ACAD9: variants seen among roughly 807,000 people sequenced by gnomAD.
The protein encoded by ACAD9 is complex I assembly factor ACAD9, mitochondrial.
In ACAD9, 53 loss-of-function variants were observed where a neutral mutation model predicts 70.2. The observed-to-expected ratio is 0.75, with a 90% CI of 0.61 to 0.95. The LOEUF (loss-of-function observed/expected upper bound fraction) is 0.95. Among genes scored for constraint, ACAD9 ranks in the 40% least tolerant of loss-of-function variants. The pLI, the probability that ACAD9 is intolerant of heterozygous loss-of-function variation, is 0.00. For missense variants in ACAD9, 777 were observed against 802.8 expected (o/e 0.97, Z 0.39); for synonymous variants, 313 against 312.1 (o/e 1.00, Z -0.03).
At position 128,895,308 on chromosome 3, in the gene ACAD9, A is replaced by G. The variant is rs774267812; in HGVS notation, c.347-2A>G. ...TGATTGACGCTGGTCCATCTCTCCTAGGTGGCCTGGGCTTCTCCAACACCA... is the reference window on the plus strand; with the variant it reads ...TGATTGACGCTGGTCCATCTCTCCTGGGTGGCCTGGGCTTCTCCAACACCA... On this transcript the variant is annotated splice_acceptor_variant, in intron 3 of 17. Coordinates refer to ENST00000308982, the MANE Select transcript of ACAD9 (RefSeq NM_014049.5). LOFTEE classifies it high-confidence loss of function. 2 of 1,609,066 alleles carry G rather than the reference A, an allele frequency of 1.2e-6. No individual in the cohort carries two copies. The highest frequency in any genetic ancestry group is 2.2e-5 in the South Asian group (2 of 90,128).
At chr3:128,893,477 A>T in intron 2 of ACAD9, 78 bp from the exon 3 acceptor site, 1 of 1,132,312 alleles carries the variant, frequency 8.8e-7, no homozygotes. Context: ...TATGATTAAT[A>T]TATAAACACT....
chr3:128,910,714 T>TATC, intron 16 of ACAD9, 27 bp from the exon 17 acceptor site: 1 of 1,613,916 alleles, frequency 6.2e-7, no homozygotes, highest in African/African-American at 1.3e-5. Context: ...AATTTGGGCA[T>TATC]ATCTTTTCTG....
chr3:128,894,991 C>T (rs1490849981), intron 3 of ACAD9, among the ~76,000 whole-genome samples: 2 of 150,970 alleles, frequency 1.3e-5, no homozygotes, highest in Non-Finnish European at 1.5e-5. Context: ...ATTCTCATGC[C>T]TCAGCCTCCT....
Position 128,910,035 on chromosome 3 carries a change from G to A in ACAD9, c.1578G>A (p.Glu526=), listed in dbSNP as rs2107664287. Residue 526 remains glutamate, a synonymous_variant, in exon 16 of 18, where the codon GAG becomes GAA. Transcript: ENST00000308982. ...TGTGATCCCAGACCATCATGGAGGA[G>A]CAGCTGGTACTGAAGCGGGTGGCCA... ...LLRFGKTIME[E]QLVLKRVANI... The A allele has an allele frequency of 6.2e-7, 1 of 1,613,776 alleles. No individual in the cohort carries two copies. Among genetic ancestry groups the A allele is most frequent in the Non-Finnish European group, 8.5e-7 (1 of 1,179,966 alleles).
chr3:128,913,047 G>A lies in ACAD9; in HGVS notation c.*440G>A, dbSNP rs1360288780. The A allele has an allele frequency of 4.4e-6, 2 of 455,986 alleles. No homozygotes were observed. The highest frequency in any genetic ancestry group is 2.3e-5 in the Admixed American group (1 of 42,622). The allele number at this position is 455,986 out of a possible 1,614,324, so 28.2% of individuals were successfully genotyped here. On this transcript the variant is annotated 3_prime_UTR_variant, in exon 18 of 18. Transcript: ENST00000308982. ...GTCATTCATTTAAACTAGAAGCAGA[G>A]GCACTTAAAACATGTACCAGGAACC...
At position 128,899,522 on chromosome 3, in the gene ACAD9, CGGTGTG is replaced by C. The variant is rs894937428; in HGVS notation, c.808+62_808+67del. On this transcript the variant is annotated intron_variant, in intron 7 of 17. Transcript: ENST00000308982. ...GTGTAAGGGGGAGACTGGCCTTTGA[CGGTGTG>C]TGTGTGTGTGTGTGTGTGTGTGTGT... 130 of 1,146,146 alleles carry C rather than the reference CGGTGTG, an allele frequency of 1.1e-4. No homozygotes were observed. The East Asian group carries it at 1.3e-3, about 11-fold the overall frequency. The allele number at this position is 1,146,146 out of a possible 1,614,324, so 71.0% of individuals were successfully genotyped here.
intron 11 of ACAD9, among the ~76,000 whole-genome samples, chr3:128,905,328 G>A (rs1413482397): frequency 6.6e-6 from 1 of 152,166 alleles, no homozygotes; most frequent in Non-Finnish European, 1.5e-5. Context: ...ATTTGCTTTT[G>A]TTTTGTTGAG....
intron 7 of ACAD9, 97 bp downstream of exon 7, chr3:128,899,558 G>GTGTC (rs1935678447): frequency 7.3e-7 from 1 of 1,362,898 alleles, no homozygotes; most frequent in Non-Finnish European, 1.0e-6. Context: ...GTGTGTGTGT[G>GTGTC]TGTGTAAGGG....
chr3:128,906,497 G>C (rs533635960), intron 12 of ACAD9, among the ~76,000 whole-genome samples: 1 of 152,284 alleles, frequency 6.6e-6, no homozygotes, highest in Non-Finnish European at 1.5e-5. Context: ...AGATGACTTC[G>C]GATGCTGTGT....
At chr3:128,891,838 T>C (rs1374711303) in intron 2 of ACAD9, among the ~76,000 whole-genome samples, 2 of 152,236 alleles carry the variant, frequency 1.3e-5, no homozygotes, top group Non-Finnish European at 2.9e-5. Context: ...ATTATCACAT[T>C]TATTTATGTA....
intron 2 of ACAD9, among the ~76,000 whole-genome samples, chr3:128,889,440 A>G (rs1291568001): frequency 4.6e-5 from 7 of 152,212 alleles, no homozygotes; most frequent in Non-Finnish European, 1.0e-4. Context: ...CACCTGACGC[A>G]TGACTGTATT....
chr3:128,896,207 G>A (rs1309200466), intron 4 of ACAD9, among the ~76,000 whole-genome samples: 4 of 152,240 alleles, frequency 2.6e-5, no homozygotes. Flanking sequence ...TTTGGACACA[G>A]ACTGCAAAGC....
intron 2 of ACAD9, 68 bp downstream of exon 2, chr3:128,884,814 GAAGTGACATACAT>G: frequency 8.3e-7 from 1 of 1,201,784 alleles, no homozygotes. Context: ...ATTTATATTA[GAAGTGACATACAT>G]AGGAGAAGTC....
intron 5 of ACAD9, among the ~76,000 whole-genome samples, 174 bp downstream of exon 5, chr3:128,896,710 C>T (rs762392158): frequency 6.6e-6 from 1 of 152,232 alleles, no homozygotes; most frequent in South Asian, 2.1e-4. Flanking sequence ...CCTTATTTCT[C>T]TGTCCCAGTG....
Position 128,899,479 on chromosome 3 carries a change from G to A in ACAD9, c.808+18G>A, listed in dbSNP as rs371813160. The A allele has an allele frequency of 5.3e-5, 85 of 1,612,518 alleles. No individual in the cohort carries two copies. The highest frequency in any genetic ancestry group is 2.0e-4 in the African/African-American group (15 of 74,996). On this transcript the variant is annotated intron_variant, in intron 7 of 17. Transcript: ENST00000308982. ...CTCCAACAGTAAGTAGCTCCTGTGC[G>A]CGCGTGCGCGTGTGTGTGTGTAAGG...
At position 128,895,378 on chromosome 3, in the gene ACAD9, A is replaced by C; in HGVS notation, c.415A>C (p.Thr139Pro). The C allele has an allele frequency of 6.2e-7, 1 of 1,612,680 alleles. No individual in the cohort carries two copies. Reference protein sequence around the residue: ...GEIISMDGSITVTLAAHQAIG... With the variant: ...GEIISMDGSIPVTLAAHQAIG... ...GATCATCAGCATGGATGGGTCCATC[A>C]CTGTGACCCTGGCAGCGCACCAGGC... Residue 139 changes from threonine (T) to proline (P), a missense_variant, in exon 4 of 18, where the codon ACT (threonine) becomes CCT (proline). Transcript: ENST00000308982.
intron 17 of ACAD9, 114 bp downstream of exon 17, chr3:128,910,927 C>A: frequency 7.6e-7 from 1 of 1,318,050 alleles, no homozygotes; most frequent in Non-Finnish European, 1.1e-6. Context: ...ACTCACAGAC[C>A]TCTGCCTTGA....
chr3:128,906,286 C>A, intron 12 of ACAD9, 37 bp downstream of exon 12: 1 of 1,612,358 alleles, frequency 6.2e-7, no homozygotes, highest in Non-Finnish European at 8.5e-7. Context: ...TGTGCTCCAC[C>A]CCCACCCTGC....
intron 3 of ACAD9, 34 bp downstream of exon 3, chr3:128,893,690 G>T (rs1374510660): frequency 3.8e-6 from 6 of 1,571,636 alleles, no homozygotes; most frequent in African/African-American, 1.4e-5. Context: ...AGCCAGTTTA[G>T]CTCTTAAGAA....
Sources: allele counts gnomAD v4.1 joint callset (sites outside exome capture counted in the v4.1 genomes callset), GRCh38; gene constraint gnomAD v4.1.1; transcripts MANE v1.5; gene names NCBI Gene and HGNC (gene_info 2026-07-23, HGNC 2026-07-21).